The following ABCA10 variants were observed in gnomAD, a reference collection of about 807,000 sequenced individuals.
ABCA10 encodes ATP-binding cassette sub-family A member 10.
Under a neutral mutation model 187.5 loss-of-function variants are expected in ABCA10, and 169 were observed. That is an observed-to-expected ratio of 0.90 (90% CI 0.80 to 1.02). The LOEUF is 1.02. Ranked by LOEUF, ABCA10 falls within the 50% of genes least tolerant of loss-of-function variation. The pLI is 0.00. For missense variants in ABCA10, 1,727 were observed against 1,812.4 expected (o/e 0.95, Z 0.86); for synonymous variants, 574 against 601.8 (o/e 0.95, Z 0.68).
At chr17:69,235,798 AAAAC>A (rs2074866036) in intron 1 of ABCA10, among the ~76,000 whole-genome samples, 1 of 152,180 alleles carries the variant, frequency 6.6e-6, no homozygotes, top group Non-Finnish European at 1.5e-5. Context: ...AAAAAAAACA[AAAAC>A]AAAACCTTAA....
intron 26 of ABCA10, 91 bp from the exon 27 acceptor site, chr17:69,164,245 T>C: frequency 9.7e-7 from 1 of 1,028,598 alleles, no homozygotes; most frequent in Non-Finnish European, 1.4e-6. Flanking sequence ...CTTGATGTTC[T>C]ATGGGACAAC....
intron 19 of ABCA10, among the ~76,000 whole-genome samples, 190 bp from the exon 20 acceptor site, chr17:69,185,833 T>C (rs1449036970): frequency 1.3e-5 from 2 of 152,106 alleles, no homozygotes; most frequent in Admixed American, 6.6e-5. Flanking sequence ...TTGTATCACA[T>C]TGGAAGATAT....
intron 9 of ABCA10, among the ~76,000 whole-genome samples, chr17:69,208,623 T>C (rs1484848877): frequency 6.6e-6 from 1 of 152,124 alleles, no homozygotes; most frequent in Non-Finnish European, 1.5e-5. Flanking sequence ...AGAAAATTAA[T>C]TTGATTTATA....
intron 20 of ABCA10, among the ~76,000 whole-genome samples, chr17:69,183,379 A>G (rs1406096326): frequency 6.6e-6 from 1 of 152,154 alleles, no homozygotes; most frequent in Admixed American, 6.5e-5. Context: ...AGTTGGTCAC[A>G]GGGAGAAGTC....
rs2074151575 is a variant in ABCA10 at position 69,153,943 on chromosome 17, A to T, written c.3853T>A (p.Tyr1285Asn). 2 of 1,614,032 alleles carry T rather than the reference A, an allele frequency of 1.2e-6. No homozygotes were observed. The highest frequency in any genetic ancestry group is 4.5e-5 in the East Asian group (2 of 44,870). ...CACAGTGAGTTCTCCTGAGGGCAGT[A>T]CCCCAAGAACTTGAGGCTGTTGTCA... Reference protein sequence around the residue: ...QHDNSLKFLGYCPQENSLWPK... With the variant: ...QHDNSLKFLGNCPQENSLWPK... The change falls in exon 32 of 39, where the codon TAC (tyrosine) becomes AAC (asparagine). Residue 1285 changes from tyrosine (Y) to asparagine (N), a missense_variant. By Grantham distance (143) the Tyr-to-Asn change is moderately radical. Transcript: ENST00000690296.
intron 25 of ABCA10, among the ~76,000 whole-genome samples, chr17:69,167,526 C>T (rs8077551): frequency 0.74 from 113,066 of 152,050 alleles, 42,532 homozygotes; most frequent in African/African-American, 0.83. Context: ...AGATTGTAGA[C>T]AGGGCAAATA....
chr17:69,190,642 T>C (rs1276221182), intron 17 of ABCA10, among the ~76,000 whole-genome samples, 165 bp from the exon 18 acceptor site: 4 of 152,274 alleles, frequency 2.6e-5, no homozygotes, highest in African/African-American at 9.6e-5. Flanking sequence ...CTCTTGTCAT[T>C]CAAATCAGTT....
Position 69,216,312 on chromosome 17 carries a change from T to C in ABCA10, c.577A>G (p.Ile193Val). Residue 193 changes from isoleucine to valine, a missense_variant, in exon 7 of 39, where the codon ATT (isoleucine) becomes GTT (valine). Physicochemically the swap from Ile to Val is conservative, Grantham distance 29 (BLOSUM62 3). Transcript: ENST00000690296. Reference sequence around the variant, plus strand: ...GATGTTATGACCAGAGCCATAAAAATGGACATAATGAAGATGAAGCAAATG... The same window carrying C: ...GATGTTATGACCAGAGCCATAAAAACGGACATAATGAAGATGAAGCAAATG... ...TYICFIFIMSIFMALVITSIP... is the reference protein window; with the variant it reads ...TYICFIFIMSVFMALVITSIP... The C allele has an allele frequency of 6.2e-7, 1 of 1,613,414 alleles. No individual in the cohort carries two copies. The highest frequency in any genetic ancestry group is 8.5e-7 in the Non-Finnish European group (1 of 1,179,676).
chr17:69,160,921 A>G (rs2074213005), intron 27 of ABCA10, among the ~76,000 whole-genome samples: 1 of 152,236 alleles, frequency 6.6e-6, no homozygotes, highest in Non-Finnish European at 1.5e-5. Flanking sequence ...TTTATCCAGA[A>G]GAACTGAAAG....
At chr17:69,179,370 T>C (rs1442301966) in intron 22 of ABCA10, among the ~76,000 whole-genome samples, 1 of 152,184 alleles carries the variant, frequency 6.6e-6, no homozygotes, top group African/African-American at 2.4e-5. Flanking sequence ...ATAATCTTAG[T>C]AAGCAGATTC....
intron 29 of ABCA10, 70 bp downstream of exon 29, chr17:69,155,735 C>T: frequency 6.6e-7 from 1 of 1,505,048 alleles, no homozygotes; most frequent in Non-Finnish European, 8.9e-7. Flanking sequence ...AAATAAAAAC[C>T]AACATCTCAT....
intron 27 of ABCA10, among the ~76,000 whole-genome samples, chr17:69,159,902 G>A (rs921344766): frequency 6.6e-6 from 1 of 152,004 alleles, no homozygotes; most frequent in Admixed American, 6.6e-5. Flanking sequence ...ATGTGAAAAA[G>A]ACAATCTCTT....
At chr17:69,162,838 C>CAT (rs376385505) in intron 27 of ABCA10, among the ~76,000 whole-genome samples, 128 of 120,804 alleles carry the variant, frequency 1.1e-3, no homozygotes, top group Middle Eastern at 3.8e-3. Flanking sequence ...TATACATATA[C>CAT]ATATATATAT....
At chr17:69,189,244 A>G (rs2074442738) in intron 18 of ABCA10, among the ~76,000 whole-genome samples, 1 of 152,080 alleles carries the variant, frequency 6.6e-6, no homozygotes, top group South Asian at 2.1e-4. Context: ...GTGAGATGGT[A>G]TCTCGTGGTT....
In ABCA10 at chr17:69,148,833, G is replaced by A. The variant is rs777553626; in HGVS notation, c.4626C>T (p.Asp1542=). The A allele has an allele frequency of 4.3e-6, 7 of 1,611,618 alleles. No individual in the cohort carries two copies. The South Asian group carries it at 6.6e-5, about 15-fold the overall frequency. Residue 1542 remains aspartate (D), a synonymous_variant, in exon 39 of 39, where the codon GAC becomes GAT. Coordinates refer to ENST00000690296, the MANE Select transcript of ABCA10 (RefSeq NM_001377321.1). ...TVEWKLLPQE[D]P ...TGTTAGGAGGTTCTTCATTTTAAGGGTCTTCCTGTGGGAGAAGTTTCCATT... is the reference window on the plus strand; with the variant it reads ...TGTTAGGAGGTTCTTCATTTTAAGGATCTTCCTGTGGGAGAAGTTTCCATT...
chr17:69,237,387 C>T (rs879683866), intron 1 of ABCA10, among the ~76,000 whole-genome samples: 1 of 152,222 alleles, frequency 6.6e-6, no homozygotes, highest in Non-Finnish European at 1.5e-5. Flanking sequence ...AAAGATAGCA[C>T]ATCTGGTTAA....
Position 69,210,835 on chromosome 17 carries a change from A to T in ABCA10, c.1006+3869T>A, listed in dbSNP as rs1340347359. 1.8e-3 allele frequency among the ~76,000 whole-genome samples: 28 copies of T among 15,504 alleles called. 1 individual carries two copies. The highest frequency in any genetic ancestry group is 0.017 in the Admixed American group (25 of 1,436). 10.2% of individuals were successfully genotyped at this position (15,504 alleles called of 152,430 possible). On this transcript the variant is annotated intron_variant, in intron 9 of 38. Coordinates refer to ENST00000690296, the MANE Select transcript of ABCA10 (RefSeq NM_001377321.1). ...ATATATACATATATATATATGCCAC[A>T]TATTTATGCCACATATATATATATA...
chr17:69,153,521 C>T lies in ABCA10; in HGVS notation c.3991G>A (p.Glu1331Lys). Residue 1331 changes from glutamate to lysine, a missense_variant, in exon 33 of 39, where the codon GAA becomes AAA. Glu to Lys is a moderately conservative substitution (Grantham distance 56). Coordinates refer to ENST00000690296, the MANE Select transcript of ABCA10 (RefSeq NM_001377321.1). ...GTTTTCACAGGAGCCTTAAGTTGTT[C>T]CTGGAGCTTAAGAGCTTCCACCAAT... ...SRLVEALKLQEQLKAPVKTLS... is the reference protein window; with the variant it reads ...SRLVEALKLQKQLKAPVKTLS... 1 of 1,614,120 alleles carries T rather than the reference C, an allele frequency of 6.2e-7. No homozygotes were observed. The highest frequency in any genetic ancestry group is 8.5e-7 in the Non-Finnish European group (1 of 1,180,018).
chr17:69,192,805 C>T (rs1343691581), intron 15 of ABCA10, 152 bp from the exon 16 acceptor site: 3 of 742,232 alleles, frequency 4.0e-6, no homozygotes. Context: ...CATTTCTAAT[C>T]CCCATGCCTA....
Sources: allele counts gnomAD v4.1 joint callset (sites outside exome capture counted in the v4.1 genomes callset), GRCh38; gene constraint gnomAD v4.1.1; transcripts MANE v1.5; gene names NCBI Gene and HGNC (gene_info 2026-07-23, HGNC 2026-07-21).